The following PDE10A variants were observed in gnomAD, a reference collection of about 807,000 sequenced individuals.
The protein encoded by PDE10A is phosphodiesterase 10A, also known as cAMP and cAMP-inhibited cGMP 3',5'-cyclic phosphodiesterase 10A.
Under a neutral mutation model 97.7 loss-of-function variants are expected in PDE10A, and 39 were observed. That is an observed-to-expected ratio of 0.40 (90% CI 0.31 to 0.52). The LOEUF is 0.52. PDE10A is among the 20% of genes least tolerant of loss of function. The probability of loss-of-function intolerance (pLI) is 0.56; values close to 1 mark genes in which losing one functional copy is unlikely to be tolerated. For synonymous variants in PDE10A, 371 were observed against 376.8 expected, an observed-to-expected ratio of 0.98 and a Z score of 0.18; for missense variants, 731 against 1,047.8, an observed-to-expected ratio of 0.70 and a Z score of 4.17.
At position 165,521,983 on chromosome 6, in the gene PDE10A, C is replaced by T. The variant is rs114086702; in HGVS notation, c.994+21457G>A. On this transcript the variant is annotated intron_variant, in intron 2 of 21. Transcript: ENST00000539869. ...GCATAATTTCCTCAAGGTTCAACCACGTTGTAGCATGTGTCAGAACTTTCT... is the reference window on the plus strand; with the variant it reads ...GCATAATTTCCTCAAGGTTCAACCATGTTGTAGCATGTGTCAGAACTTTCT... 7.0e-3 allele frequency among the ~76,000 whole-genome samples: 1,060 copies of T among 152,272 alleles called. 14 individuals carry two copies. Among genetic ancestry groups the T allele is most frequent in the African/African-American group, 0.024 (990 of 41,562 alleles).
chr6:165,390,856 A>T (rs1785658479), intron 16 of PDE10A, among the ~76,000 whole-genome samples: 1 of 152,226 alleles, frequency 6.6e-6, no homozygotes, highest in Non-Finnish European at 1.5e-5. Context: ...CCCTAACCCC[A>T]TGAAGTATCA....
chr6:165,329,899 A>G lies in PDE10A; in HGVS notation c.*3126T>C, dbSNP rs934104007. ...TCATACACCTCTTAGAGAGAAGTACAGCTGGGAAATGGACCAGAGTCTCTG... is the reference window on the plus strand; with the variant it reads ...TCATACACCTCTTAGAGAGAAGTACGGCTGGGAAATGGACCAGAGTCTCTG... On this transcript the variant is annotated 3_prime_UTR_variant, in exon 22 of 22. Coordinates refer to ENST00000539869, the MANE Select transcript of PDE10A (RefSeq NM_001385079.1). 5 of 152,190 alleles carry G rather than the reference A, an allele frequency of 3.3e-5. No individual in the cohort carries two copies. The highest frequency in any genetic ancestry group is 1.2e-4 in the African/African-American group (5 of 41,452). The allele number at this position is 152,190 out of a possible 1,614,324, so 9.4% of individuals were successfully genotyped here. A position where few individuals can be genotyped will look rare whatever the true frequency, so the allele number is the denominator to read the frequency against.
intron 17 of PDE10A, among the ~76,000 whole-genome samples, chr6:165,379,776 G>C (rs1784825984): frequency 6.6e-6 from 1 of 152,082 alleles, no homozygotes; most frequent in Non-Finnish European, 1.5e-5. Context: ...ACCTTAATGG[G>C]CTAAAAAAGG....
intron 2 of PDE10A, among the ~76,000 whole-genome samples, chr6:165,522,872 C>A (rs954108628): frequency 1.3e-5 from 2 of 151,894 alleles, no homozygotes; most frequent in Non-Finnish European, 2.9e-5. Context: ...ATGTAGAAAA[C>A]CCTAAACAAT....
intron 1 of PDE10A, among the ~76,000 whole-genome samples, chr6:165,953,523 G>A (rs528752133): frequency 3.3e-5 from 5 of 152,136 alleles, no homozygotes; most frequent in South Asian, 2.1e-4. Flanking sequence ...CCCAGGAAGC[G>A]GAGGTTGCAC....
At chr6:165,585,864 G>A (rs1313601194) in intron 1 of PDE10A, among the ~76,000 whole-genome samples, 1 of 152,144 alleles carries the variant, frequency 6.6e-6, no homozygotes, top group African/African-American at 2.4e-5. Flanking sequence ...ACAGAGGCAT[G>A]AGAGTGAGGC....
chr6:165,709,643 C>T (rs1236600994), intron 1 of PDE10A, among the ~76,000 whole-genome samples: 1 of 75,614 alleles, frequency 1.3e-5, no homozygotes, highest in African/African-American at 5.8e-5. Context: ...CCTCTCTCCC[C>T]CGCCACTCTC....
intron 1 of PDE10A, among the ~76,000 whole-genome samples, chr6:165,855,030 A>AATGAATGCATGC (rs1431069532): frequency 1.6e-4 from 23 of 143,602 alleles, no homozygotes; most frequent in African/African-American, 6.1e-4. Context: ...TGAATGAATG[A>AATGAATGCATGC]ATGCATGAAT....
chr6:165,619,229 GTAGAC>G (rs1787908613), intron 1 of PDE10A, among the ~76,000 whole-genome samples: 1 of 149,506 alleles, frequency 6.7e-6, no homozygotes, highest in African/African-American at 2.5e-5. Context: ...CTAGTGTAGT[GTAGAC>G]TAGTGTGGTG....
chr6:165,545,534 G>C (rs1783696289), intron 1 of PDE10A, among the ~76,000 whole-genome samples: 1 of 151,876 alleles, frequency 6.6e-6, no homozygotes, highest in Admixed American at 6.6e-5. Flanking sequence ...TGAGATAAAA[G>C]ATATGCATCC....
chr6:165,870,895 A>G (rs926064908), intron 1 of PDE10A, among the ~76,000 whole-genome samples: 1 of 152,180 alleles, frequency 6.6e-6, no homozygotes, highest in African/African-American at 2.4e-5. Flanking sequence ...GGAGCTAAAA[A>G]TGTTGATCTC....
intron 3 of PDE10A, among the ~76,000 whole-genome samples, chr6:165,460,543 G>C (rs1272118610): frequency 6.6e-6 from 1 of 152,162 alleles, no homozygotes; most frequent in Non-Finnish European, 1.5e-5. Context: ...TTAAAGGTTT[G>C]GTAGATACAG....
intron 1 of PDE10A, among the ~76,000 whole-genome samples, chr6:165,673,889 C>G: frequency 6.6e-6 from 1 of 152,198 alleles, no homozygotes; most frequent in South Asian, 2.1e-4. Flanking sequence ...TATGAATTTC[C>G]AAATAATAAA....
chr6:165,347,685 G>A (rs1782407616), intron 18 of PDE10A, among the ~76,000 whole-genome samples: 1 of 152,136 alleles, frequency 6.6e-6, no homozygotes, highest in African/African-American at 2.4e-5. Context: ...TAGTGATCTT[G>A]CTTTAGAATT....
intron 1 of PDE10A, among the ~76,000 whole-genome samples, chr6:165,919,395 TA>T (rs1386616257): frequency 6.6e-6 from 1 of 152,238 alleles, no homozygotes; most frequent in Non-Finnish European, 1.5e-5. Context: ...ATCTAGGGGA[TA>T]ACCTTGTGGC....
intron 1 of PDE10A, among the ~76,000 whole-genome samples, chr6:165,619,514 C>CTAATG (rs1234681543): frequency 6.7e-5 from 1 of 14,880 alleles, no homozygotes; most frequent in African/African-American, 4.0e-4. Context: ...GTAGTGTAGT[C>CTAATG]TAGTGTAGTG....
intron 2 of PDE10A, among the ~76,000 whole-genome samples, chr6:165,518,680 G>C (rs1781960022): frequency 6.6e-6 from 1 of 152,132 alleles, no homozygotes; most frequent in Non-Finnish European, 1.5e-5. Flanking sequence ...ACTTGATAAG[G>C]AAAGAAAAAA....
intron 1 of PDE10A, among the ~76,000 whole-genome samples, chr6:165,766,597 G>T (rs1441719750): frequency 1.3e-5 from 2 of 152,166 alleles, no homozygotes; most frequent in African/African-American, 4.8e-5. Flanking sequence ...TGTTTTTAAT[G>T]CCCTCGCTTT....
intron 1 of PDE10A, among the ~76,000 whole-genome samples, chr6:165,884,438 A>C (rs913328819): frequency 7.2e-5 from 11 of 152,294 alleles, no homozygotes; most frequent in African/African-American, 2.4e-4. Context: ...CCTGCCTGGG[A>C]CACAGACAGT....
Sources: allele counts gnomAD v4.1 joint callset (sites outside exome capture counted in the v4.1 genomes callset), GRCh38; gene constraint gnomAD v4.1.1; transcripts MANE v1.5; gene names NCBI Gene and HGNC (gene_info 2026-07-23, HGNC 2026-07-21).